Variants in PCDHGB5 observed in about 807,000 individuals in gnomAD.
The protein encoded by PCDHGB5 is protocadherin gamma subfamily B, 5, also known as protocadherin gamma-B5.
In PCDHGB5, 48 loss-of-function variants were observed where a neutral mutation model predicts 62.9. The observed-to-expected ratio is 0.76, with a 90% CI of 0.61 to 0.97. The LOEUF is 0.97. Ranked by LOEUF, PCDHGB5 falls within the 50% of genes least tolerant of loss-of-function variation. PCDHGB5 has a pLI of 0.00. For missense variants in PCDHGB5, 1,118 were observed against 1,198.6 expected (o/e 0.93, Z 0.99); for synonymous variants, 474 against 511.2 (o/e 0.93, Z 0.98).
chr5:141,428,238 G>A lies in PCDHGB5; in HGVS notation c.2397+27714G>A, dbSNP rs775703660. On this transcript the variant is annotated intron_variant, in intron 1 of 3. Transcript: ENST00000617380. ...TAGTCTTCGCAGACAGCCTGCAGGA[G>A]GCACTGCCAGACTTCAGTGACAGTC... 1.0e-5 allele frequency: 10 copies of A among 998,180 alleles called. No individual in the cohort carries two copies. The South Asian group carries it at 1.3e-4, about 13-fold the overall frequency. The allele number at this position is 998,180 out of a possible 1,614,324, so 61.8% of individuals were successfully genotyped here. A position where few individuals can be genotyped will look rare whatever the true frequency, so the allele number is the denominator to read the frequency against.
At chr5:141,446,604 G>C (rs1226194089) in intron 1 of PCDHGB5, among the ~76,000 whole-genome samples, 1 of 152,134 alleles carries the variant, frequency 6.6e-6, no homozygotes, top group Non-Finnish European at 1.5e-5. Flanking sequence ...AGCCTCCTGA[G>C]TAGCTGGGAC....
At chr5:141,499,323 GCTCT>G (rs1259902316) in intron 2 of PCDHGB5, among the ~76,000 whole-genome samples, 1 of 152,046 alleles carries the variant, frequency 6.6e-6, no homozygotes, top group East Asian at 1.9e-4. Context: ...CAGTATCCCT[GCTCT>G]CTCTCAGTTT....
intron 1 of PCDHGB5, chr5:141,478,121 G>A (rs1393103666): frequency 1.2e-6 from 2 of 1,613,918 alleles, no homozygotes; most frequent in South Asian, 1.1e-5. Flanking sequence ...AGTAACCGAG[G>A]ACTCTCCTGA....
chr5:141,405,279 C>G, intron 1 of PCDHGB5: 1 of 1,614,144 alleles, frequency 6.2e-7, no homozygotes, highest in Non-Finnish European at 8.5e-7. Flanking sequence ...CCCAACTATG[C>G]AGACACACTC....
intron 1 of PCDHGB5, among the ~76,000 whole-genome samples, chr5:141,438,626 A>G (rs1309857700): frequency 2.3e-5 from 1 of 43,566 alleles, no homozygotes; most frequent in Non-Finnish European, 3.7e-5. Flanking sequence ...ATATATATAT[A>G]TATATATATA....
chr5:141,423,268 T>G (rs752667215), intron 1 of PCDHGB5: 1 of 1,613,552 alleles, frequency 6.2e-7, no homozygotes, highest in South Asian at 1.1e-5. Flanking sequence ...CAGCCTCGAG[T>G]CTCTGGCTAA....
intron 2 of PCDHGB5, 103 bp from the exon 3 acceptor site, chr5:141,505,290 G>A: frequency 3.2e-6 from 5 of 1,564,680 alleles, no homozygotes; most frequent in Non-Finnish European, 4.3e-6. Context: ...TTGGGCATGG[G>A]GTAGGGTTAG....
rs200512171 is a variant in PCDHGB5, at chr5:141,418,143, T to C, written c.2397+17619T>C. ...AAGGACCGAATAGACCGTGAGCAAA[T>C]ATGCAAAGAGAGAAGAAGATGTGAG... On this transcript the variant is annotated intron_variant, in intron 1 of 3. Transcript: ENST00000617380. 2.6e-4 allele frequency: 419 copies of C among 1,613,982 alleles called. 1 individual carries two copies. In the African/African-American group the frequency reaches 5.2e-3, roughly 20 times the overall value.
At chr5:141,457,802 T>C (rs1332412750) in intron 1 of PCDHGB5, among the ~76,000 whole-genome samples, 1 of 152,210 alleles carries the variant, frequency 6.6e-6, no homozygotes, top group Non-Finnish European at 1.5e-5. Context: ...TCCTCTCCTC[T>C]TGAGGTCCCA....
intron 1 of PCDHGB5, among the ~76,000 whole-genome samples, chr5:141,437,556 T>C (rs1427506223): frequency 6.6e-6 from 1 of 152,228 alleles, no homozygotes; most frequent in African/African-American, 2.4e-5. Context: ...CTTTATGACA[T>C]GTAACAGAGT....
chr5:141,402,892 A>G, intron 1 of PCDHGB5: 10 of 1,498,814 alleles, frequency 6.7e-6, no homozygotes, highest in Non-Finnish European at 8.9e-6. Flanking sequence ...GGTGGAAGAA[A>G]GAACCTGATG....
chr5:141,509,765 T>G (rs1312823974), intron 3 of PCDHGB5, among the ~76,000 whole-genome samples: 2 of 152,120 alleles, frequency 1.3e-5, no homozygotes, highest in Non-Finnish European at 1.5e-5. Flanking sequence ...GTCCCTGAGA[T>G]GTCTAGTCCC....
At chr5:141,498,194 T>C (rs1014641829) in intron 2 of PCDHGB5, among the ~76,000 whole-genome samples, 16 of 152,254 alleles carry the variant, frequency 1.1e-4, no homozygotes, top group African/African-American at 3.6e-4. Context: ...ATTAACCAGC[T>C]AAAGAAAAGA....
intron 2 of PCDHGB5, among the ~76,000 whole-genome samples, chr5:141,496,206 A>C (rs2099766963): frequency 6.6e-6 from 1 of 152,126 alleles, no homozygotes; most frequent in South Asian, 2.1e-4. Context: ...TCAATCTGGT[A>C]TGAATTCCTG....
At chr5:141,421,306 T>C (rs1356157966) in intron 1 of PCDHGB5, 1 of 1,613,564 alleles carries the variant, frequency 6.2e-7, no homozygotes, top group South Asian at 1.1e-5. Context: ...GCTGCGGGGG[T>C]TCCGGGCCAG....
chr5:141,421,535 G>A, intron 1 of PCDHGB5: 7 of 1,614,032 alleles, frequency 4.3e-6, no homozygotes, highest in East Asian at 2.2e-5. Flanking sequence ...GTGTCCTCCT[G>A]TTTTTTAAAT....
intron 2 of PCDHGB5, among the ~76,000 whole-genome samples, chr5:141,495,430 C>A (rs1189953474): frequency 6.6e-6 from 1 of 152,220 alleles, no homozygotes; most frequent in Non-Finnish European, 1.5e-5. Context: ...TCCCACTGTC[C>A]TCTGCCCCTA....
chr5:141,484,959 C>A, intron 1 of PCDHGB5: 2 of 575,576 alleles, frequency 3.5e-6, no homozygotes, highest in Non-Finnish European at 6.2e-6. Flanking sequence ...ATTGGCTGAG[C>A]CCGGGAGCCG....
rs779651957 is a variant in PCDHGB5, at chr5:141,431,167, T to G, written c.2397+30643T>G. 2 of 1,614,118 alleles carry G rather than the reference T, an allele frequency of 1.2e-6. No individual in the cohort carries two copies. Among genetic ancestry groups the G allele is most frequent in the Non-Finnish European group, 1.7e-6 (2 of 1,180,014 alleles). The stretch of plus-strand genomic sequence containing the variant: ...ACAATGCGCCTTACTTTCGTGAAAG[T>G]GAATTAGAAATAAAAATTAGTGAAA... On this transcript the variant is annotated intron_variant, in intron 1 of 3. Transcript: ENST00000617380. The surrounding 1 kb of genome is among the most constrained non-coding windows in gnomAD (Gnocchi z 4.8).
Sources: allele counts gnomAD v4.1 joint callset (sites outside exome capture counted in the v4.1 genomes callset), GRCh38; gene constraint gnomAD v4.1.1; non-coding constraint Gnocchi (gnomAD v3.1); transcripts MANE v1.5; gene names NCBI Gene and HGNC (gene_info 2026-07-23, HGNC 2026-07-21).